TCF4: variants seen among roughly 807,000 people sequenced by gnomAD.
The protein encoded by TCF4 is transcription factor 4.
Under a neutral mutation model 82.1 loss-of-function variants are expected in TCF4, and 3 were observed. The ratio of observed to expected loss-of-function variants is 0.04; its 90% CI spans 0.02 to 0.09. The LOEUF (loss-of-function observed/expected upper bound fraction) is 0.09, where lower values mean the gene tolerates loss of function less well. Ranked by LOEUF, TCF4 falls within the 10% of genes least tolerant of loss-of-function variation. TCF4 has a pLI of 1.00. For missense variants in TCF4, 518 were observed against 852.7 expected (o/e 0.61, Z 4.89); for synonymous variants, 276 against 309.6 (o/e 0.89, Z 1.14).
chr18:55,434,682 C>A (rs2095287786), intron 5 of TCF4, among the ~76,000 whole-genome samples: 1 of 151,524 alleles, frequency 6.6e-6, no homozygotes. Context: ...CCGCCTTGGC[C>A]TCCCAAAGTG....
chr18:55,481,742 C>T (rs944534042), intron 3 of TCF4, among the ~76,000 whole-genome samples: 21 of 152,230 alleles, frequency 1.4e-4, no homozygotes, highest in African/African-American at 5.1e-4. Context: ...ACCACCCTGA[C>T]TCCTAGACGT....
At chr18:55,275,231 C>A (rs1296617007) in intron 10 of TCF4, among the ~76,000 whole-genome samples, 1 of 140,506 alleles carries the variant, frequency 7.1e-6, no homozygotes, top group African/African-American at 2.7e-5. Flanking sequence ...AATCTACCGA[C>A]TGTCACTCTG....
chr18:55,552,767 G>C (rs2097271282), intron 3 of TCF4, among the ~76,000 whole-genome samples: 1 of 152,202 alleles, frequency 6.6e-6, no homozygotes, highest in African/African-American at 2.4e-5. Context: ...CCCCATTAAA[G>C]CTCGTTTCAT....
chr18:55,228,136 A>T lies in TCF4; in HGVS notation c.*4+85T>A. The T allele has an allele frequency of 5.8e-6, 9 of 1,554,568 alleles. No individual in the cohort carries two copies. In the South Asian group the frequency reaches 1.0e-4, roughly 18 times the overall value. ...TTTCCATGAAAGAAAATATCTGTCAATTTGGGTGAAATTCACTTTTATGGC... is the reference window on the plus strand; with the variant it reads ...TTTCCATGAAAGAAAATATCTGTCATTTTGGGTGAAATTCACTTTTATGGC... On this transcript the variant is annotated intron_variant, in intron 19 of 19. Transcript: ENST00000354452.
At chr18:55,470,272 T>C (rs1256701704) in intron 3 of TCF4, among the ~76,000 whole-genome samples, 1 of 152,206 alleles carries the variant, frequency 6.6e-6, no homozygotes, top group Non-Finnish European at 1.5e-5. Flanking sequence ...TACCCTCCAA[T>C]ATCTAAGAAA....
intron 5 of TCF4, among the ~76,000 whole-genome samples, chr18:55,440,167 A>G (rs1166855557): frequency 6.6e-6 from 1 of 152,202 alleles, no homozygotes; most frequent in Non-Finnish European, 1.5e-5. Context: ...TAAGTATTCT[A>G]TCTTACTTCC....
intron 8 of TCF4, among the ~76,000 whole-genome samples, chr18:55,289,105 C>T (rs1411189507): frequency 6.6e-6 from 1 of 152,176 alleles, no homozygotes; most frequent in East Asian, 1.9e-4. Flanking sequence ...TACCTTGGCC[C>T]TAGCTGAGAG....
At chr18:55,247,764 C>T (rs757728972) in intron 15 of TCF4, among the ~76,000 whole-genome samples, 1 of 152,094 alleles carries the variant, frequency 6.6e-6, no homozygotes, top group African/African-American at 2.4e-5. Flanking sequence ...AGTGATGTTT[C>T]GTCTAGAGGG....
intron 2 of TCF4, among the ~76,000 whole-genome samples, chr18:55,627,669 G>A (rs1603625695): frequency 6.6e-6 from 1 of 152,132 alleles, no homozygotes; most frequent in Non-Finnish European, 1.5e-5. Context: ...GAAGGCTGAG[G>A]CAGGACAATT....
At chr18:55,307,235 G>C (rs1053232488) in intron 8 of TCF4, among the ~76,000 whole-genome samples, 1 of 152,216 alleles carries the variant, frequency 6.6e-6, no homozygotes. Context: ...TTAAAACTTG[G>C]GTGTTTATGA....
intron 8 of TCF4, among the ~76,000 whole-genome samples, chr18:55,327,822 T>C (rs954041501): frequency 2.0e-5 from 3 of 152,152 alleles, no homozygotes; most frequent in Admixed American, 6.5e-5. Context: ...CACAGACATA[T>C]ATGGTTTGGA....
intron 5 of TCF4, among the ~76,000 whole-genome samples, chr18:55,416,060 C>G (rs958559369): frequency 3.3e-5 from 5 of 152,118 alleles, no homozygotes; most frequent in Non-Finnish European, 7.4e-5. Context: ...TTCTGTGTCT[C>G]TATATCACAA....
At chr18:55,274,118 T>G (rs1182208489) in intron 10 of TCF4, among the ~76,000 whole-genome samples, 1 of 152,162 alleles carries the variant, frequency 6.6e-6, no homozygotes, top group African/African-American at 2.4e-5. Flanking sequence ...GTTTTGACCA[T>G]GAGTTCCCAC....
chr18:55,434,117 ATCT>A (rs1161169793), intron 5 of TCF4, among the ~76,000 whole-genome samples: 2 of 152,268 alleles, frequency 1.3e-5, no homozygotes, highest in African/African-American at 2.4e-5. Flanking sequence ...ACGAAAGCAA[ATCT>A]TCTCTATTCA....
intron 17 of TCF4, chr18:55,230,848 C>T (rs754264831): frequency 1.3e-5 from 2 of 152,176 alleles, no homozygotes; most frequent in African/African-American, 4.8e-5. Context: ...TGGTATTCTT[C>T]GGTTGCAAGT....
intron 3 of TCF4, among the ~76,000 whole-genome samples, chr18:55,550,046 T>A (rs972472236): frequency 6.6e-6 from 1 of 152,202 alleles, no homozygotes; most frequent in Non-Finnish European, 1.5e-5. Context: ...GGACCATTAA[T>A]GTAGGAACTT....
intron 6 of TCF4, among the ~76,000 whole-genome samples, chr18:55,399,880 T>TCTCTCACA (rs1283846701): frequency 3.2e-5 from 2 of 63,468 alleles, no homozygotes; most frequent in Non-Finnish European, 5.9e-5. Flanking sequence ...TCTCTCTCTC[T>TCTCTCACA]CACACACACA....
At chr18:55,400,033 T>C (rs752878639) in intron 6 of TCF4, among the ~76,000 whole-genome samples, 20 of 151,890 alleles carry the variant, frequency 1.3e-4, no homozygotes, top group Non-Finnish European at 2.4e-4. Context: ...GGAGAAGTAA[T>C]AACAAGTATT....
At chr18:55,592,452 C>T (rs2097686597), upstream of TCF4, among the ~76,000 whole-genome samples, 1 of 152,150 alleles carries the variant, frequency 6.6e-6, no homozygotes, top group Non-Finnish European at 1.5e-5. Flanking sequence ...TCTTCCTCTT[C>T]TTATGAGAAC....
Sources: gnomAD v4.1 joint callset for allele counts (sites outside exome capture counted in the v4.1 genomes callset) on GRCh38, gnomAD v4.1.1 for gene constraint, MANE v1.5 for transcripts, NCBI Gene and HGNC (gene_info 2026-07-23, HGNC 2026-07-21) for gene names.